The following KCNQ5 variants were observed in gnomAD, a reference collection of about 807,000 sequenced individuals.
KCNQ5 encodes potassium voltage-gated channel subfamily KQT member 5.
KCNQ5 carries 30 observed loss-of-function variants against 98.2 expected under a neutral mutation model. The observed-to-expected ratio is 0.31, with a 90% CI of 0.23 to 0.41. The LOEUF (loss-of-function observed/expected upper bound fraction) is 0.41, where lower values mean the gene tolerates loss of function less well. Ranked by LOEUF, KCNQ5 falls within the 10% of genes least tolerant of loss-of-function variation. The probability of loss-of-function intolerance (pLI) is 1.00; values close to 1 mark genes in which losing one functional copy is unlikely to be tolerated. For synonymous variants in KCNQ5, 458 were observed against 449.4 expected (o/e 1.02, Z -0.24); for missense variants, 835 against 1,182.5 (o/e 0.71, Z 4.31).
At chr6:72,834,184 ATAT>A (rs1253376983) in intron 1 of KCNQ5, among the ~76,000 whole-genome samples, 2 of 152,096 alleles carry the variant, frequency 1.3e-5, no homozygotes, top group Non-Finnish European at 1.5e-5. Flanking sequence ...AGTGTTTGTT[ATAT>A]TATTCTCTGT....
chr6:73,177,077 A>G (rs541529304), intron 11 of KCNQ5, among the ~76,000 whole-genome samples: 1 of 152,324 alleles, frequency 6.6e-6, no homozygotes, highest in Admixed American at 6.5e-5. Flanking sequence ...CCAGAGGAAG[A>G]AAGTGTTTCA....
intron 1 of KCNQ5, among the ~76,000 whole-genome samples, chr6:72,717,486 G>T (rs1769704669): frequency 6.6e-6 from 1 of 152,126 alleles, no homozygotes; most frequent in Non-Finnish European, 1.5e-5. Flanking sequence ...GACCACTCTA[G>T]ATTTCACAGG....
At chr6:72,665,217 G>A (rs1471349148) in intron 1 of KCNQ5, among the ~76,000 whole-genome samples, 1 of 151,620 alleles carries the variant, frequency 6.6e-6, no homozygotes, top group Non-Finnish European at 1.5e-5. Flanking sequence ...GCATGGTGGT[G>A]CACGCCTGTA....
chr6:72,970,288 C>T (rs1433305713), intron 1 of KCNQ5, among the ~76,000 whole-genome samples: 1 of 151,952 alleles, frequency 6.6e-6, no homozygotes, highest in Non-Finnish European at 1.5e-5. Flanking sequence ...AAATAAGAAA[C>T]TAGTCCCCCA....
At chr6:73,190,390 T>G (rs1175509764) in intron 11 of KCNQ5, among the ~76,000 whole-genome samples, 183 bp from the exon 12 acceptor site, 1 of 152,222 alleles carries the variant, frequency 6.6e-6, no homozygotes, top group Non-Finnish European at 1.5e-5. Context: ...TTGTCTCACA[T>G]GAGATGTTCT....
At chr6:72,660,251 A>G (rs1055745126) in intron 1 of KCNQ5, among the ~76,000 whole-genome samples, 16 of 152,216 alleles carry the variant, frequency 1.1e-4, no homozygotes, top group African/African-American at 3.6e-4. Flanking sequence ...TATTTTACGC[A>G]TGAGAAACTG....
intron 1 of KCNQ5, among the ~76,000 whole-genome samples, chr6:72,784,211 G>T (rs1773624465): frequency 6.6e-6 from 1 of 152,164 alleles, no homozygotes; most frequent in African/African-American, 2.4e-5. Flanking sequence ...TGAAGGAGCT[G>T]CATGTGTTAC....
At chr6:72,686,528 T>C (rs530988147) in intron 1 of KCNQ5, among the ~76,000 whole-genome samples, 3 of 152,190 alleles carry the variant, frequency 2.0e-5, no homozygotes, top group Non-Finnish European at 4.4e-5. Context: ...TATGTGTATG[T>C]GAAAATTGTC....
At chr6:73,095,932 T>C (rs1774472620) in intron 5 of KCNQ5, among the ~76,000 whole-genome samples, 1 of 152,200 alleles carries the variant, frequency 6.6e-6, no homozygotes, top group South Asian at 2.1e-4. Context: ...CAATTTATAG[T>C]TGTATACTCA....
At chr6:73,149,803 AAAAAG>A (rs1482951166) in intron 10 of KCNQ5, among the ~76,000 whole-genome samples, 6 of 143,660 alleles carry the variant, frequency 4.2e-5, no homozygotes, top group Admixed American at 4.0e-4. Flanking sequence ...AAAAAAAAAA[AAAAAG>A]AGAGAGAGAG....
intron 2 of KCNQ5, among the ~76,000 whole-genome samples, chr6:73,033,742 G>A (rs1314999113): frequency 4.6e-5 from 4 of 86,522 alleles, no homozygotes; most frequent in African/African-American, 1.8e-4. Flanking sequence ...ACCCACCCCC[G>A]AAGCATCTAC....
intron 1 of KCNQ5, among the ~76,000 whole-genome samples, chr6:72,900,634 C>T (rs1292395012): frequency 2.6e-5 from 4 of 151,148 alleles, no homozygotes; most frequent in African/African-American, 4.9e-5. Context: ...GTATCTTTTT[C>T]GCATAATGAC....
intron 1 of KCNQ5, among the ~76,000 whole-genome samples, chr6:72,922,112 T>A (rs906051654): frequency 3.3e-5 from 5 of 152,156 alleles, no homozygotes; most frequent in African/African-American, 7.2e-5. Flanking sequence ...TAAGACCAAC[T>A]TCGTATTTGT....
At chr6:72,761,974 A>G (rs1299847011) in intron 1 of KCNQ5, among the ~76,000 whole-genome samples, 1 of 152,022 alleles carries the variant, frequency 6.6e-6, no homozygotes, top group Non-Finnish European at 1.5e-5. Context: ...CTCCTGTTGT[A>G]GTGGCTAAGA....
At chr6:72,757,321 A>C (rs1772020474) in intron 1 of KCNQ5, among the ~76,000 whole-genome samples, 1 of 152,194 alleles carries the variant, frequency 6.6e-6, no homozygotes, top group Non-Finnish European at 1.5e-5. Flanking sequence ...TTGCCTAATC[A>C]GTGTATATCT....
At chr6:72,654,745 A>G (rs1431504407) in intron 1 of KCNQ5, among the ~76,000 whole-genome samples, 1 of 152,068 alleles carries the variant, frequency 6.6e-6, no homozygotes, top group East Asian at 1.9e-4. Context: ...GAAGATAAAG[A>G]TAGATTATTC....
At chr6:72,997,112 A>T (rs1769339805) in intron 1 of KCNQ5, among the ~76,000 whole-genome samples, 1 of 152,172 alleles carries the variant, frequency 6.6e-6, no homozygotes, top group Admixed American at 6.5e-5. Context: ...AGGGTCCTGG[A>T]TGCTGGAGGG....
chr6:73,086,830 G>T (rs542593440), intron 5 of KCNQ5, among the ~76,000 whole-genome samples: 2 of 152,296 alleles, frequency 1.3e-5, no homozygotes, highest in African/African-American at 4.8e-5. Context: ...GGTAGGAAAG[G>T]CCTCTCCAAT....
chr6:72,768,121 T>C (rs893009292), intron 1 of KCNQ5, among the ~76,000 whole-genome samples: 6 of 151,848 alleles, frequency 4.0e-5, no homozygotes, highest in Non-Finnish European at 7.4e-5. Flanking sequence ...AATGGGTAAA[T>C]AAAATGTGGT....
Sources: gnomAD v4.1 joint callset for allele counts (sites outside exome capture counted in the v4.1 genomes callset) on GRCh38, gnomAD v4.1.1 for gene constraint, MANE v1.5 for transcripts, NCBI Gene and HGNC (gene_info 2026-07-23, HGNC 2026-07-21) for gene names.